MAP3K7CL: variants seen among roughly 807,000 people sequenced by gnomAD.
MAP3K7CL encodes MAP3K7 C-terminal like, also known as MAP3K7 C-terminal-like protein.
MAP3K7CL carries 16 observed loss-of-function variants against 18.6 expected under a neutral mutation model. The ratio of observed to expected loss-of-function variants is 0.86; its 90% CI spans 0.58 to 1.31. MAP3K7CL has a LOEUF of 1.31. Ranked by LOEUF, MAP3K7CL falls within the 50% of genes most tolerant of loss-of-function variation. The pLI is 0.00. For synonymous variants in MAP3K7CL, 65 were observed against 66.8 expected (o/e 0.97, Z 0.13); for missense variants, 163 against 174.4 (o/e 0.93, Z 0.37).
intron 1 of MAP3K7CL, among the ~76,000 whole-genome samples, chr21:29,079,391 C>A (rs1333418818): frequency 1.3e-5 from 2 of 152,192 alleles, no homozygotes; most frequent in Non-Finnish European, 2.9e-5. Flanking sequence ...GAGTCTTGGC[C>A]AAATGCCAAG....
chr21:29,154,010 C>T (rs2146703036), intron 3 of MAP3K7CL, among the ~76,000 whole-genome samples: 1 of 152,290 alleles, frequency 6.6e-6, no homozygotes, highest in East Asian at 1.9e-4. Flanking sequence ...ATGACAATGA[C>T]CAAGGCATGG....
intron 4 of MAP3K7CL, among the ~76,000 whole-genome samples, chr21:29,120,670 TTTTC>T (rs140249328): frequency 0.47 from 70,578 of 150,394 alleles, 16,854 homozygotes; most frequent in East Asian, 0.66. Context: ...CTTTCTTTCT[TTTTC>T]TTTCTTTCTT....
chr21:29,160,575 TACTC>T (rs1017084633), intron 4 of MAP3K7CL, among the ~76,000 whole-genome samples: 2 of 152,262 alleles, frequency 1.3e-5, no homozygotes, highest in Non-Finnish European at 2.9e-5. Flanking sequence ...ATTCTGATTT[TACTC>T]ACTCATAACT....
chr21:29,088,938 G>A lies in MAP3K7CL; in HGVS notation c.58-2563G>A, dbSNP rs1283832613. ...TGTAATCCCAGCACTTTGGGAGGCC[G>A]AGGTAGGTAGATCACTAGGTCAGGA... is the stretch of plus-strand genomic sequence containing the variant. On this transcript the variant is annotated intron_variant, in intron 1 of 6. Transcript: ENST00000286791. 3.3e-5 allele frequency among the ~76,000 whole-genome samples: 5 copies of A among 152,172 alleles called. No individual in the cohort carries two copies. In the Middle Eastern group the frequency reaches 0.01, roughly 311 times the overall value.
intron 4 of MAP3K7CL, among the ~76,000 whole-genome samples, chr21:29,170,394 T>C (rs972480524): frequency 2.0e-5 from 3 of 152,184 alleles, no homozygotes; most frequent in African/African-American, 7.2e-5. Flanking sequence ...GATTTTGTGA[T>C]TTTTTATCTC....
intron 4 of MAP3K7CL, among the ~76,000 whole-genome samples, chr21:29,162,561 T>C (rs1032590144): frequency 6.6e-6 from 1 of 151,130 alleles, no homozygotes. Context: ...TGGGCGCATG[T>C]AATCCCAGCT....
chr21:29,121,882 C>T (rs1389183879), intron 4 of MAP3K7CL, among the ~76,000 whole-genome samples: 1 of 151,858 alleles, frequency 6.6e-6, no homozygotes, highest in Non-Finnish European at 1.5e-5. Flanking sequence ...CAGCACTTTC[C>T]TCACAATGTG....
intron 1 of MAP3K7CL, among the ~76,000 whole-genome samples, chr21:29,086,120 C>G (rs2085921771): frequency 6.6e-6 from 1 of 152,202 alleles, no homozygotes; most frequent in Non-Finnish European, 1.5e-5. Context: ...GACACCGGTT[C>G]TTTCCCTTAA....
At chr21:29,168,956 G>A (rs556913117) in intron 4 of MAP3K7CL, among the ~76,000 whole-genome samples, 2 of 152,294 alleles carry the variant, frequency 1.3e-5, no homozygotes, top group East Asian at 3.9e-4. Flanking sequence ...ATTAATTCTT[G>A]TCAGGTTGAT....
At chr21:29,103,923 A>G (rs971533927) in intron 4 of MAP3K7CL, among the ~76,000 whole-genome samples, 1 of 152,088 alleles carries the variant, frequency 6.6e-6, no homozygotes, top group African/African-American at 2.4e-5. Flanking sequence ...CTAAACTAAA[A>G]TAAAAAGTTT....
intron 4 of MAP3K7CL, among the ~76,000 whole-genome samples, chr21:29,173,392 A>C (rs1412770608): frequency 6.6e-6 from 1 of 152,224 alleles, no homozygotes; most frequent in East Asian, 1.9e-4. Context: ...GTTGGTTTAT[A>C]TTTAAAAATA....
At chr21:29,100,209 C>A (rs2086202207) in intron 4 of MAP3K7CL, among the ~76,000 whole-genome samples, 1 of 152,154 alleles carries the variant, frequency 6.6e-6, no homozygotes, top group South Asian at 2.1e-4. Context: ...ACAAGCCTCA[C>A]TGGTTTTCGG....
At chr21:29,150,293 A>T (rs2146689700) in intron 3 of MAP3K7CL, among the ~76,000 whole-genome samples, 1 of 152,268 alleles carries the variant, frequency 6.6e-6, no homozygotes, top group Admixed American at 6.5e-5. Flanking sequence ...TTACCTCAGT[A>T]TGCAGAGCAC....
intron 4 of MAP3K7CL, among the ~76,000 whole-genome samples, chr21:29,104,264 CG>C (rs951803497): frequency 6.6e-6 from 1 of 151,572 alleles, no homozygotes. Flanking sequence ...TTTTTTTTCT[CG>C]GGGTTTTTTC....
At chr21:29,106,044 T>A (rs750149213) in intron 4 of MAP3K7CL, among the ~76,000 whole-genome samples, 18 of 152,164 alleles carry the variant, frequency 1.2e-4, no homozygotes, top group Non-Finnish European at 2.2e-4. Flanking sequence ...AGGCTCACAC[T>A]AATCCCTAGG....
At chr21:29,161,236 G>A (rs1462256581) in intron 4 of MAP3K7CL, among the ~76,000 whole-genome samples, 1 of 152,116 alleles carries the variant, frequency 6.6e-6, no homozygotes, top group Non-Finnish European at 1.5e-5. Context: ...CTTGAACCTG[G>A]GAGGCAGAGG....
rs1368907345 is a variant in MAP3K7CL, at chr21:29,130,923, G to T, written c.-40G>T. ...CAAGTGCAGACACTCAACTAAGTGA[G>T]GTAAGCCAACAGGTGTGAAAACTGA... On this transcript the variant is annotated splice_region_variant and 5_prime_UTR_variant, in exon 1 of 5. Transcript: ENST00000399928. 1 of 985,366 alleles carries T rather than the reference G, an allele frequency of 1.0e-6. No homozygotes were observed. The highest frequency in any genetic ancestry group is 1.2e-6 in the Non-Finnish European group (1 of 829,968). The allele number at this position is 985,366 out of a possible 1,614,324, so 61.0% of individuals were successfully genotyped here. A position where few individuals can be genotyped will look rare whatever the true frequency, so the allele number is the denominator to read the frequency against.
At chr21:29,159,349 A>C (rs1376594764) in intron 3 of MAP3K7CL, among the ~76,000 whole-genome samples, 1 of 152,126 alleles carries the variant, frequency 6.6e-6, no homozygotes, top group Non-Finnish European at 1.5e-5. Flanking sequence ...AGAAACATGA[A>C]TCTTATAGGG....
intron 1 of MAP3K7CL, among the ~76,000 whole-genome samples, chr21:29,078,289 AG>A (rs1395229213): frequency 6.6e-6 from 1 of 152,036 alleles, no homozygotes; most frequent in African/African-American, 2.4e-5. Context: ...ATTTTGCTTC[AG>A]GATATTTTTG....
Sources: gnomAD v4.1 joint callset for allele counts (sites outside exome capture counted in the v4.1 genomes callset) on GRCh38, gnomAD v4.1.1 for gene constraint, MANE v1.5 for transcripts, NCBI Gene and HGNC (gene_info 2026-07-23, HGNC 2026-07-21) for gene names.